The following SLC14A2 variants were observed in gnomAD, a reference collection of about 807,000 sequenced individuals.
The protein encoded by SLC14A2 is urea transporter 2.
Under a neutral mutation model 104.6 loss-of-function variants are expected in SLC14A2, and 91 were observed. The ratio of observed to expected loss-of-function variants is 0.87; its 90% confidence interval spans 0.73 to 1.04. The LOEUF (loss-of-function observed/expected upper bound fraction) is 1.04. SLC14A2 is among the 50% of genes least tolerant of loss of function. The pLI is 0.00. For missense variants in SLC14A2, 1,189 were observed against 1,156.0 expected (o/e 1.03, Z -0.41); for synonymous variants, 476 against 466.4 (o/e 1.02, Z -0.27).
At chr18:45,262,772 G>C (rs1182174461) in intron 1 of SLC14A2, among the ~76,000 whole-genome samples, 3 of 152,154 alleles carry the variant, frequency 2.0e-5, no homozygotes, top group African/African-American at 7.2e-5. Flanking sequence ...TGAGCACACT[G>C]CTACAGACTG....
At chr18:45,569,946 T>C (rs1266463872) in intron 2 of SLC14A2, among the ~76,000 whole-genome samples, 1 of 152,224 alleles carries the variant, frequency 6.6e-6, no homozygotes, top group East Asian at 1.9e-4. Flanking sequence ...CAATGGCTTT[T>C]AAAACTGCAA....
the SLC14A2 span, among the ~76,000 whole-genome samples, chr18:45,205,581 AG>A: frequency 1.3e-5 from 2 of 152,224 alleles, no homozygotes; most frequent in African/African-American, 4.8e-5. Context: ...ATGGAAAAAT[AG>A]ATCGGGTAGA....
At chr18:45,397,784 A>ATC (rs1239989595) in intron 1 of SLC14A2, among the ~76,000 whole-genome samples, 1 of 152,118 alleles carries the variant, frequency 6.6e-6, no homozygotes, top group African/African-American at 2.4e-5. Flanking sequence ...AAAATAATGA[A>ATC]TCTCTCTAAG....
At chr18:45,225,535 A>G (rs1387091676) in intron 1 of SLC14A2, among the ~76,000 whole-genome samples, 1 of 152,152 alleles carries the variant, frequency 6.6e-6, no homozygotes. Context: ...GAAGAAAGTC[A>G]TTGGTAGCTG....
chr18:45,214,384 GAT>G (rs2143973516), intron 1 of SLC14A2, among the ~76,000 whole-genome samples: 1 of 152,300 alleles, frequency 6.6e-6, no homozygotes, highest in Admixed American at 6.5e-5. Context: ...GGGTTGGGGA[GAT>G]AGAGAGGGAG....
chr18:45,215,230 A>G (rs1396598201), intron 1 of SLC14A2, among the ~76,000 whole-genome samples: 3 of 152,232 alleles, frequency 2.0e-5, no homozygotes, highest in South Asian at 2.1e-4. Context: ...AAGAATCAAT[A>G]TTCACCTGCT....
chr18:45,221,039 C>T (rs2084056951), intron 1 of SLC14A2, among the ~76,000 whole-genome samples: 1 of 152,200 alleles, frequency 6.6e-6, no homozygotes, highest in Admixed American at 6.5e-5. Context: ...AATTGAATCA[C>T]CACTTTAAGA....
rs140024339 is a variant in SLC14A2 at position 45,277,097 on chromosome 18, G to A, written c.-125+63906G>A. 7.2e-5 allele frequency among the ~76,000 whole-genome samples: 11 copies of A among 152,314 alleles called. No individual in the cohort carries two copies. In the East Asian group the frequency reaches 1.9e-3, roughly 27 times the overall value. ...TCATCTCAGGAAGAAACACTTCTTA[G>A]CTGACTTTCCCAGAAGATTGACACT... On this transcript the variant is annotated intron_variant, in intron 1 of 20. Coordinates refer to the SLC14A2 transcript ENST00000586448.
chr18:45,442,261 T>A (rs1301204453), intron 1 of SLC14A2, among the ~76,000 whole-genome samples: 1 of 152,230 alleles, frequency 6.6e-6, no homozygotes, highest in Non-Finnish European at 1.5e-5. Flanking sequence ...ATGCTAGCAC[T>A]GCCATCACAA....
intron 1 of SLC14A2, among the ~76,000 whole-genome samples, chr18:45,297,412 G>A (rs1351823002): frequency 1.3e-5 from 2 of 152,228 alleles, no homozygotes; most frequent in Admixed American, 6.5e-5. Context: ...ATCCAGGATG[G>A]CATTTTGAAG....
chr18:45,470,361 C>T (rs1314375350), intron 1 of SLC14A2, among the ~76,000 whole-genome samples: 2 of 152,164 alleles, frequency 1.3e-5, no homozygotes, highest in Non-Finnish European at 2.9e-5. Flanking sequence ...GTGTCTTTTG[C>T]TCATAGCACA....
intron 1 of SLC14A2, among the ~76,000 whole-genome samples, chr18:45,450,976 A>T (rs1447404466): frequency 1.3e-5 from 2 of 152,198 alleles, no homozygotes; most frequent in African/African-American, 2.4e-5. Context: ...TGGCTCAACC[A>T]CTTCAAAGGA....
At chr18:45,386,334 G>A (rs914321329) in intron 1 of SLC14A2, among the ~76,000 whole-genome samples, 3 of 152,150 alleles carry the variant, frequency 2.0e-5, no homozygotes, top group African/African-American at 4.8e-5. Flanking sequence ...GCCAGTACAA[G>A]AACTCAGTTT....
At chr18:45,665,999 C>T (rs1599147825) in intron 11 of SLC14A2, 138 bp from the exon 12 acceptor site, 1 of 623,748 alleles carries the variant, frequency 1.6e-6, no homozygotes, top group East Asian at 2.7e-5. Context: ...CTGCAAGGCC[C>T]CATGATTCTG....
intron 10 of SLC14A2, among the ~76,000 whole-genome samples, chr18:45,656,614 G>T (rs1280228405): frequency 6.6e-6 from 1 of 152,164 alleles, no homozygotes; most frequent in Admixed American, 6.5e-5. Flanking sequence ...TGAGAAGAGA[G>T]TGCAAAGTCA....
intron 4 of SLC14A2, among the ~76,000 whole-genome samples, chr18:45,629,557 A>G (rs1394303965): frequency 2.0e-5 from 3 of 151,978 alleles, no homozygotes; most frequent in African/African-American, 7.3e-5. Context: ...TAGCTGTGTG[A>G]CTCAGGCAAG....
rs2044051034 is a variant in SLC14A2, at chr18:45,551,226, A to C, written c.-35+67904A>C. On this transcript the variant is annotated intron_variant, in intron 2 of 20. Transcript: ENST00000586448. ...ATTTTTTTTAATATGGGGAATTTTAAAAAAAAGAACTCCAGATGGATTTTA... is the reference window on the plus strand; with the variant it reads ...ATTTTTTTTAATATGGGGAATTTTACAAAAAAGAACTCCAGATGGATTTTA... Among the ~76,000 whole-genome samples, 3 of 152,160 alleles carry C rather than the reference A, an allele frequency of 2.0e-5. No homozygotes were observed. In the South Asian group the frequency reaches 6.2e-4, roughly 32 times the overall value.
intron 1 of SLC14A2, among the ~76,000 whole-genome samples, chr18:45,264,039 T>C (rs1196070454): frequency 1.3e-5 from 2 of 152,158 alleles, no homozygotes; most frequent in Non-Finnish European, 2.9e-5. Flanking sequence ...CACAAGCATG[T>C]GCACTATCTT....
chr18:45,620,767 A>G (rs947235096), intron 1 of SLC14A2, among the ~76,000 whole-genome samples: 1 of 152,204 alleles, frequency 6.6e-6, no homozygotes, highest in South Asian at 2.1e-4. Flanking sequence ...AAAGAACACT[A>G]TATTTCCTTG....
Sources: gnomAD v4.1 joint callset for allele counts (sites outside exome capture counted in the v4.1 genomes callset) on GRCh38, gnomAD v4.1.1 for gene constraint, MANE v1.5 for transcripts, NCBI Gene and HGNC (gene_info 2026-07-23, HGNC 2026-07-21) for gene names.